NCAM1: variants seen among roughly 807,000 people sequenced by gnomAD.
NCAM1 encodes the protein antigen recognized by monoclonal antibody 5.1H11.
Under a neutral mutation model 109.8 loss-of-function variants are expected in NCAM1, and 14 were observed. The ratio of observed to expected loss-of-function variants is 0.13; its 90% CI spans 0.08 to 0.20. The LOEUF (loss-of-function observed/expected upper bound fraction) is 0.20. Ranked by LOEUF, NCAM1 falls within the 10% of genes least tolerant of loss-of-function variation. NCAM1 has a pLI of 1.00. For synonymous variants in NCAM1, 418 were observed against 442.9 expected (o/e 0.94, Z 0.70); for missense variants, 774 against 1,109.9 (o/e 0.70, Z 4.30).
chr11:113,269,936 G>A, intron 17 of NCAM1: 1 of 552,646 alleles, frequency 1.8e-6, no homozygotes, highest in Non-Finnish European at 3.3e-6. Context: ...CTCACGGGAG[G>A]CCAGCTGACC....
intron 1 of NCAM1, among the ~76,000 whole-genome samples, chr11:113,092,227 A>G (rs1427089401): frequency 6.6e-6 from 1 of 152,172 alleles, no homozygotes; most frequent in African/African-American, 2.4e-5. Context: ...TAATGTGCCT[A>G]TGAATTAGGG....
chr11:113,058,128 CA>C, intron 1 of NCAM1, among the ~76,000 whole-genome samples: 1 of 151,864 alleles, frequency 6.6e-6, no homozygotes, highest in Non-Finnish European at 1.5e-5. Flanking sequence ...ACTAAAAATA[CA>C]AAAAATTAGC....
chr11:113,198,413 C>A (rs1468104251), intron 1 of NCAM1, among the ~76,000 whole-genome samples: 3 of 151,598 alleles, frequency 2.0e-5, no homozygotes, highest in Non-Finnish European at 2.9e-5. Context: ...GCTCTGTCGC[C>A]CAGGCTGGAG....
Position 113,208,010 on chromosome 11 carries a change from C to A in NCAM1, c.916+8C>A. The A allele has an allele frequency of 6.2e-7, 1 of 1,601,856 alleles. No individual in the cohort carries two copies. The highest frequency in any genetic ancestry group is 8.5e-7 in the Non-Finnish European group (1 of 1,173,922). On this transcript the variant is annotated splice_region_variant and intron_variant, in intron 7 of 19. Transcript: ENST00000316851. ...TCCACCTCAAAGTCTTTGGTAGGGG[C>A]AGTGGGGGCCCAGGTCACTGCTCTG...
intron 1 of NCAM1, among the ~76,000 whole-genome samples, chr11:113,069,006 T>G (rs1292042832): frequency 2.0e-5 from 3 of 152,136 alleles, no homozygotes; most frequent in Non-Finnish European, 2.9e-5. Flanking sequence ...ACATGGTACT[T>G]TGTTTGTATT....
intron 9 of NCAM1, among the ~76,000 whole-genome samples, chr11:113,230,286 C>CA (rs1160962698): frequency 6.6e-6 from 1 of 152,140 alleles, no homozygotes; most frequent in African/African-American, 2.4e-5. Flanking sequence ...ATTTATAGGT[C>CA]AAAGCAGAGG....
intron 9 of NCAM1, chr11:113,231,398 C>A: frequency 8.7e-7 from 1 of 1,153,526 alleles, no homozygotes; most frequent in Non-Finnish European, 1.2e-6. Flanking sequence ...TTAGATCAGG[C>A]TGCCTGACAT....
intron 1 of NCAM1, among the ~76,000 whole-genome samples, chr11:113,066,621 C>T (rs1937971743): frequency 6.6e-6 from 1 of 152,104 alleles, no homozygotes; most frequent in Non-Finnish European, 1.5e-5. Flanking sequence ...TTCATTTTCC[C>T]TTGTGATTTT....
intron 1 of NCAM1, among the ~76,000 whole-genome samples, chr11:113,195,795 C>T (rs559717243): frequency 2.6e-4 from 39 of 152,084 alleles, no homozygotes; most frequent in African/African-American, 6.5e-4. Context: ...TGTGAGCCAC[C>T]GCGCCTGGCC....
intron 18 of NCAM1, among the ~76,000 whole-genome samples, chr11:113,271,369 CAAAAAAAAAA>C (rs71060298): frequency 4.5e-5 from 3 of 66,874 alleles, no homozygotes; most frequent in Non-Finnish European, 5.0e-5. Flanking sequence ...GACTCTGTCT[CAAAAAAAAAA>C]AAAAAAAAAA....
At chr11:112,995,980 T>A (rs1555071368) in intron 1 of NCAM1, among the ~76,000 whole-genome samples, 1 of 152,192 alleles carries the variant, frequency 6.6e-6, no homozygotes, top group Non-Finnish European at 1.5e-5. Context: ...AAGCTCTTTG[T>A]GCAAGTCAAA....
chr11:113,139,720 A>T (rs774645603), intron 1 of NCAM1, among the ~76,000 whole-genome samples: 1 of 152,180 alleles, frequency 6.6e-6, no homozygotes, highest in Non-Finnish European at 1.5e-5. Context: ...GCTTTCCAAC[A>T]GAATTGGCTT....
intron 1 of NCAM1, among the ~76,000 whole-genome samples, chr11:113,009,312 GTTT>G (rs781818836): frequency 1.5e-4 from 12 of 79,656 alleles, no homozygotes; most frequent in South Asian, 5.9e-4. Context: ...GTTTTTTCGG[GTTT>G]TTTTTTTTTT....
At chr11:113,069,958 G>A (rs1938181566) in intron 1 of NCAM1, among the ~76,000 whole-genome samples, 2 of 152,148 alleles carry the variant, frequency 1.3e-5, no homozygotes, top group African/African-American at 4.8e-5. Flanking sequence ...GAGGTAGTCA[G>A]GAGGATTTGT....
intron 1 of NCAM1, among the ~76,000 whole-genome samples, chr11:113,114,884 A>G (rs1555094535): frequency 1.3e-5 from 2 of 152,252 alleles, no homozygotes; most frequent in Non-Finnish European, 2.9e-5. Flanking sequence ...AATACCAGAA[A>G]TATATAAATT....
chr11:113,228,190 T>C (rs1416261764), intron 9 of NCAM1, among the ~76,000 whole-genome samples: 5 of 152,184 alleles, frequency 3.3e-5, no homozygotes, highest in African/African-American at 1.2e-4. Context: ...GACCCCATCA[T>C]CTCAGCCCCA....
At chr11:112,995,865 G>A (rs1225927319) in intron 1 of NCAM1, among the ~76,000 whole-genome samples, 1 of 152,302 alleles carries the variant, frequency 6.6e-6, no homozygotes, top group East Asian at 1.9e-4. Context: ...TGTTTGGCTA[G>A]TTCTATTGAA....
chr11:113,050,177 G>A (rs1555081583), intron 1 of NCAM1, among the ~76,000 whole-genome samples: 2 of 151,834 alleles, frequency 1.3e-5, no homozygotes. Context: ...ATTAATGACT[G>A]AGGAAAAAAA....
rs1242431607 is a variant in NCAM1, at chr11:113,278,162, ATTTTCACAC to A, written c.*2781_*2789del. ...AGTGCAGCTTTGGAGGTGGAACTCT[ATTTTCACAC>A]TTTTCTATGGAGCCTTCCGAGTCCC... On this transcript the variant is annotated 3_prime_UTR_variant, in exon 20 of 20. Coordinates refer to ENST00000316851, the MANE Select transcript of NCAM1 (RefSeq NM_181351.5). 1.3e-5 allele frequency: 2 copies of A among 152,052 alleles called. No individual in the cohort carries two copies. The highest frequency in any genetic ancestry group is 2.9e-5 in the Non-Finnish European group (2 of 68,018). The allele number at this position is 152,052 out of a possible 1,614,324, so 9.4% of individuals were successfully genotyped here.
Sources: allele counts gnomAD v4.1 joint callset (sites outside exome capture counted in the v4.1 genomes callset), GRCh38; gene constraint gnomAD v4.1.1; transcripts MANE v1.5; gene names NCBI Gene and HGNC (gene_info 2026-07-23, HGNC 2026-07-21).